Variants in NXPE4 observed in about 807,000 individuals in gnomAD.
NXPE4 encodes neurexophilin and PC-esterase domain family member 4, also known as NXPE family member 4.
In NXPE4, 42 loss-of-function variants were observed where a neutral mutation model predicts 33.3. The observed-to-expected ratio is 1.26, with a 90% confidence interval of 0.98 to 1.63. The LOEUF (loss-of-function observed/expected upper bound fraction) is 1.63. Among genes scored for constraint, NXPE4 ranks in the 40% most tolerant of loss-of-function variants. The pLI, the probability that NXPE4 is intolerant of heterozygous loss-of-function variation, is 0.00. For missense variants in NXPE4, 709 were observed against 647.6 expected (o/e 1.09, Z -1.03); for synonymous variants, 253 against 234.9 (o/e 1.08, Z -0.71).
chr11:114,585,002 G>T (rs1296925711), intron 2 of NXPE4, among the ~76,000 whole-genome samples: 7 of 152,128 alleles, frequency 4.6e-5, no homozygotes. Flanking sequence ...CCAAGTGCCT[G>T]CTTAGTAGCT....
chr11:114,651,302 G>A, the NXPE4 span, among the ~76,000 whole-genome samples: 2 of 151,862 alleles, frequency 1.3e-5, no homozygotes, highest in East Asian at 1.9e-4. Flanking sequence ...CTGACTTTAG[G>A]AGTGAAGCCG....
At chr11:114,592,678 A>G (rs993331208) in intron 2 of NXPE4, among the ~76,000 whole-genome samples, 2 of 152,178 alleles carry the variant, frequency 1.3e-5, no homozygotes, top group African/African-American at 4.8e-5. Context: ...TAGAAAAACA[A>G]TTCTAAAATC....
chr11:114,670,887 G>C, the NXPE4 span, among the ~76,000 whole-genome samples: 1 of 151,596 alleles, frequency 6.6e-6, no homozygotes, highest in East Asian at 1.9e-4. Flanking sequence ...AACCGCCTCT[G>C]AGAGGGCCAA....
rs1381306560 is a variant in NXPE4, at chr11:114,582,759, A to G, written c.359T>C (p.Leu120Pro). The G allele has an allele frequency of 6.2e-7, 1 of 1,614,124 alleles. No individual in the cohort carries two copies. The highest frequency in any genetic ancestry group is 1.1e-5 in the South Asian group (1 of 91,060). Reference protein sequence around the residue: ...TYCRGDQLHILLEVRDHLGRR... With the variant: ...TYCRGDQLHIPLEVRDHLGRR... ...TCCCAAGTGGTCCCTCACCTCCAGC[A>G]GGATGTGCAGCTGGTCTCCCCTGCA... The change falls in exon 3 of 6, where the codon CTG becomes CCG. Residue 120 changes from leucine (L) to proline (P), a missense_variant. Transcript: ENST00000375478.
At chr11:114,637,336 T>C in the NXPE4 span, among the ~76,000 whole-genome samples, 1 of 151,952 alleles carries the variant, frequency 6.6e-6, no homozygotes, top group Non-Finnish European at 1.5e-5. Flanking sequence ...CTCCATCCTT[T>C]TATTTTGAGC....
intron 4 of NXPE4, 141 bp from the exon 5 acceptor site, chr11:114,580,479 C>CT: frequency 1.5e-6 from 1 of 652,046 alleles, no homozygotes; most frequent in Non-Finnish European, 2.6e-6. Flanking sequence ...GAAGTATTCT[C>CT]TTAATGGAAC....
At position 114,595,249 on chromosome 11, in the gene NXPE4, T is replaced by C. The variant is rs974417384; in HGVS notation, c.-11+343A>G. On this transcript the variant is annotated intron_variant, in intron 1 of 5. Transcript: ENST00000375478. ...ATTAATATGTCCTCCTTTTCTGTTT[T>C]AGCAGGCTTTCTAGCACCCCCTCAA... is the stretch of plus-strand genomic sequence containing the variant. Among the ~76,000 whole-genome samples, 5 of 152,186 alleles carry C rather than the reference T, an allele frequency of 3.3e-5. No individual in the cohort carries two copies. In the East Asian group the frequency reaches 7.7e-4, roughly 23 times the overall value.
At chr11:114,662,286 T>C in the NXPE4 span, among the ~76,000 whole-genome samples, 2 of 152,122 alleles carry the variant, frequency 1.3e-5, no homozygotes, top group African/African-American at 2.4e-5. Context: ...TGCCCTGTTA[T>C]AGCAGACAGC....
At chr11:114,580,623 CT>C (rs1565331653) in intron 4 of NXPE4, among the ~76,000 whole-genome samples, 2 of 152,050 alleles carry the variant, frequency 1.3e-5, no homozygotes, top group African/African-American at 2.4e-5. Flanking sequence ...TATTTTCCAG[CT>C]TTTCTATGAA....
upstream of NXPE4, among the ~76,000 whole-genome samples, chr11:114,600,640 A>T (rs939047805): frequency 2.6e-5 from 4 of 152,126 alleles, no homozygotes; most frequent in Non-Finnish European, 5.9e-5. Context: ...AGACATGATG[A>T]CTAAATGCAA....
the NXPE4 span, among the ~76,000 whole-genome samples, chr11:114,634,060 C>G: frequency 1.3e-5 from 2 of 151,794 alleles, no homozygotes; most frequent in Non-Finnish European, 2.9e-5. Context: ...AATGATTGAA[C>G]TAGTTTACAG....
the NXPE4 span, among the ~76,000 whole-genome samples, chr11:114,666,230 A>G: frequency 6.6e-6 from 1 of 152,112 alleles, no homozygotes; most frequent in African/African-American, 2.4e-5. Flanking sequence ...CGTATAGCAG[A>G]TTCATTCCTC....
At chr11:114,639,127 G>A in the NXPE4 span, among the ~76,000 whole-genome samples, 4 of 152,038 alleles carry the variant, frequency 2.6e-5, no homozygotes, top group South Asian at 2.1e-4. Flanking sequence ...CACCCAGTTC[G>A]AGCTTCCCGG....
the NXPE4 span, among the ~76,000 whole-genome samples, chr11:114,638,795 G>T: frequency 1.3e-5 from 2 of 152,000 alleles, no homozygotes; most frequent in African/African-American, 4.8e-5. Context: ...CGTGAACCGT[G>T]AATGCTGCTG....
chr11:114,576,053 T>TA (rs1163462241), intron 5 of NXPE4, among the ~76,000 whole-genome samples: 2 of 152,096 alleles, frequency 1.3e-5, no homozygotes, highest in Non-Finnish European at 2.9e-5. Context: ...GCCCAATACT[T>TA]ACAGCCAACT....
chr11:114,604,218 C>T, the NXPE4 span, among the ~76,000 whole-genome samples: 17 of 152,012 alleles, frequency 1.1e-4, no homozygotes. Context: ...TTGTGGGTAA[C>T]CACTGTTACC....
At chr11:114,676,238 C>CA in the NXPE4 span, among the ~76,000 whole-genome samples, 1 of 151,440 alleles carries the variant, frequency 6.6e-6, no homozygotes, top group Non-Finnish European at 1.5e-5. Flanking sequence ...GGCAACAAAA[C>CA]AAAAAATAGA....
chr11:114,654,962 C>T, the NXPE4 span, among the ~76,000 whole-genome samples: 1 of 152,196 alleles, frequency 6.6e-6, no homozygotes, highest in African/African-American at 2.4e-5. Flanking sequence ...TCCTATTTCT[C>T]TACAGCCTTG....
chr11:114,636,142 C>T, the NXPE4 span, among the ~76,000 whole-genome samples: 2,229 of 151,838 alleles, frequency 0.015, 49 homozygotes, highest in African/African-American at 0.051. Context: ...AATTTCAGAG[C>T]CTGTTATTGG....
Sources: allele counts gnomAD v4.1 joint callset (sites outside exome capture counted in the v4.1 genomes callset), GRCh38; gene constraint gnomAD v4.1.1; transcripts MANE v1.5; gene names NCBI Gene and HGNC (gene_info 2026-07-23, HGNC 2026-07-21).